Variants in ANO2 observed in about 807,000 individuals in gnomAD.
ANO2 encodes the protein anoctamin 2.
ANO2 carries 101 observed loss-of-function variants against 124.2 expected under a neutral mutation model. The ratio of observed to expected loss-of-function variants is 0.81; its 90% CI spans 0.69 to 0.96. The LOEUF (loss-of-function observed/expected upper bound fraction) is 0.96. ANO2 is among the 40% of genes least tolerant of loss of function. The pLI is 0.00. For missense variants in ANO2, 1,293 were observed against 1,274.5 expected, an observed-to-expected ratio of 1.01 and a Z score of -0.22; for synonymous variants, 486 against 482.5, an observed-to-expected ratio of 1.01 and a Z score of -0.09.
chr12:5,591,269 C>T (rs1943382141), intron 20 of ANO2, among the ~76,000 whole-genome samples: 2 of 152,198 alleles, frequency 1.3e-5, no homozygotes, highest in African/African-American at 4.8e-5. Flanking sequence ...AGTACAGGTG[C>T]TTACATACCC....
intron 3 of ANO2, among the ~76,000 whole-genome samples, chr12:5,861,179 T>C (rs963612687): frequency 8.5e-5 from 13 of 152,160 alleles, no homozygotes; most frequent in African/African-American, 1.4e-4. Context: ...TGCATAAGCA[T>C]AGACATACAG....
At chr12:5,791,892 C>T (rs778896027) in intron 10 of ANO2, among the ~76,000 whole-genome samples, 2 of 152,112 alleles carry the variant, frequency 1.3e-5, no homozygotes, top group African/African-American at 2.4e-5. Context: ...ATAATTTCCC[C>T]CACAGGGAGT....
At chr12:5,920,346 A>G (rs1007861925) in intron 3 of ANO2, among the ~76,000 whole-genome samples, 1 of 152,212 alleles carries the variant, frequency 6.6e-6, no homozygotes, top group Non-Finnish European at 1.5e-5. Context: ...CCAAAATTCA[A>G]CAAGGAAACT....
chr12:5,777,128 G>C lies in ANO2; in HGVS notation c.1055+22379C>G, dbSNP rs140208927. ...TAATTAAATGTGGAAACTGATATGAGCCTGAGCTTGGAGGAAATTTAAAAG... is the reference window on the plus strand; with the variant it reads ...TAATTAAATGTGGAAACTGATATGACCCTGAGCTTGGAGGAAATTTAAAAG... On this transcript the variant is annotated intron_variant, in intron 10 of 24. Coordinates refer to ENST00000682330, the MANE Select transcript of ANO2 (RefSeq NM_001364791.2). Among the ~76,000 whole-genome samples, 550 of 152,290 alleles carry C rather than the reference G, an allele frequency of 3.6e-3. 5 individuals carry two copies. Among genetic ancestry groups the C allele is most frequent in the African/African-American group, 0.013 (533 of 41,550 alleles).
intron 23 of ANO2, 129 bp downstream of exon 23, chr12:5,575,705 A>G: frequency 2.0e-6 from 2 of 1,023,782 alleles, no homozygotes; most frequent in Admixed American, 2.8e-5. Flanking sequence ...GACAATCGCC[A>G]TATATGTGGT....
chr12:5,693,772 C>A (rs1949043482), intron 14 of ANO2, among the ~76,000 whole-genome samples: 1 of 152,152 alleles, frequency 6.6e-6, no homozygotes, highest in African/African-American at 2.4e-5. Context: ...TACATCAGGA[C>A]CTTTGCATTT....
At chr12:5,577,725 G>A (rs558809531) in intron 22 of ANO2, among the ~76,000 whole-genome samples, 1 of 152,290 alleles carries the variant, frequency 6.6e-6, no homozygotes, top group Admixed American at 6.5e-5. Flanking sequence ...CATTCTGATG[G>A]ATAATTACCT....
At chr12:5,791,341 T>C (rs1439450689) in intron 10 of ANO2, among the ~76,000 whole-genome samples, 1 of 151,940 alleles carries the variant, frequency 6.6e-6, no homozygotes, top group South Asian at 2.1e-4. Flanking sequence ...ATCAAAAACA[T>C]GGCATTCTGG....
intron 16 of ANO2, among the ~76,000 whole-genome samples, chr12:5,619,046 A>G (rs1211291254): frequency 2.6e-5 from 4 of 152,196 alleles, no homozygotes; most frequent in Non-Finnish European, 5.9e-5. Context: ...CTGGTGCATT[A>G]CCAACAACCC....
At chr12:5,759,152 C>CAAAAAAAAAAA (rs34935879) in intron 10 of ANO2, among the ~76,000 whole-genome samples, 1 of 137,006 alleles carries the variant, frequency 7.3e-6, no homozygotes, top group Non-Finnish European at 1.6e-5. Flanking sequence ...CCAAAAGTTA[C>CAAAAAAAAAAA]AAAAAAAAAA....
Position 5,563,072 on chromosome 12 carries a change from G to A in ANO2, c.*227C>T. On this transcript the variant is annotated 3_prime_UTR_variant, in exon 25 of 25. Transcript: ENST00000682330. The stretch of plus-strand genomic sequence containing the variant: ...CCTCAAAAGGATGCAGCTTAAAAGG[G>A]GACCTAAAAGAAACTTAAGCTTGAA... The A allele has an allele frequency of 1.6e-6, 1 of 643,830 alleles. No individual in the cohort carries two copies. Among genetic ancestry groups the A allele is most frequent in the Non-Finnish European group, 2.6e-6 (1 of 387,130 alleles). The allele number at this position is 643,830 out of a possible 1,614,324, so 39.9% of individuals were successfully genotyped here.
At chr12:5,617,531 G>A (rs113261756) in intron 16 of ANO2, among the ~76,000 whole-genome samples, 78 of 145,410 alleles carry the variant, frequency 5.4e-4, no homozygotes, top group African/African-American at 1.6e-3. Context: ...AGATCACACC[G>A]TACCACACCT....
At chr12:5,778,962 C>T (rs1952307660) in intron 10 of ANO2, among the ~76,000 whole-genome samples, 1 of 152,156 alleles carries the variant, frequency 6.6e-6, no homozygotes, top group African/African-American at 2.4e-5. Flanking sequence ...GTTCCCAGTT[C>T]TGCATTATTC....
rs184640793 is a variant in ANO2, at chr12:5,813,018, A to C, written c.893-5650T>G. Among the ~76,000 whole-genome samples the C allele has an allele frequency of 5.8e-3, 880 of 151,188 alleles. 32 individuals are homozygous for C. Among genetic ancestry groups the C allele is most frequent in the Admixed American group, 0.054 (811 of 15,114 alleles). ...AACAAGCAAGAAAGAAAGAGAGAGAAAGAAAAAAAGAAAGAGAAGAAACAA... is the reference window on the plus strand; with the variant it reads ...AACAAGCAAGAAAGAAAGAGAGAGACAGAAAAAAAGAAAGAGAAGAAACAA... On this transcript the variant is annotated intron_variant, in intron 7 of 24. Coordinates refer to ENST00000682330, the MANE Select transcript of ANO2 (RefSeq NM_001364791.2).
intron 7 of ANO2, among the ~76,000 whole-genome samples, chr12:5,809,115 G>A (rs553141191): frequency 3.0e-4 from 45 of 152,322 alleles, no homozygotes; most frequent in African/African-American, 1.0e-3. Flanking sequence ...GGTGAGAGGA[G>A]CAGAGGGTGG....
intron 10 of ANO2, among the ~76,000 whole-genome samples, chr12:5,767,334 A>G (rs774140706): frequency 2.0e-5 from 3 of 152,228 alleles, no homozygotes; most frequent in Non-Finnish European, 2.9e-5. Context: ...TCCCAATGAC[A>G]GAAGAAGCCA....
At chr12:5,664,290 T>C (rs2136977264) in intron 14 of ANO2, among the ~76,000 whole-genome samples, 1 of 152,164 alleles carries the variant, frequency 6.6e-6, no homozygotes, top group East Asian at 1.9e-4. Context: ...CATCCAGGCA[T>C]CCATCATTCT....
At chr12:5,770,611 C>T (rs1318219415) in intron 10 of ANO2, among the ~76,000 whole-genome samples, 1 of 152,138 alleles carries the variant, frequency 6.6e-6, no homozygotes, top group East Asian at 1.9e-4. Context: ...CCATCTCCAC[C>T]ACCAATACCC....
chr12:5,757,510 A>C (rs1466523020), intron 10 of ANO2, among the ~76,000 whole-genome samples: 1 of 152,224 alleles, frequency 6.6e-6, no homozygotes, highest in Admixed American at 6.5e-5. Flanking sequence ...AAAACACAAG[A>C]GGGAAATGAG....
Sources: allele counts gnomAD v4.1 joint callset (sites outside exome capture counted in the v4.1 genomes callset), GRCh38; gene constraint gnomAD v4.1.1; transcripts MANE v1.5; gene names NCBI Gene and HGNC (gene_info 2026-07-23, HGNC 2026-07-21).